SARNP: variants seen among roughly 807,000 people sequenced by gnomAD.
SARNP encodes SAP domain-containing ribonucleoprotein.
SARNP carries 5 observed loss-of-function variants against 38.1 expected under a neutral mutation model. The ratio of observed to expected loss-of-function variants is 0.13; its 90% CI spans 0.07 to 0.28. SARNP has a LOEUF of 0.28. SARNP is among the 10% of genes least tolerant of loss of function. SARNP has a pLI of 1.00. For synonymous variants in SARNP, 84 were observed against 80.6 expected, an observed-to-expected ratio of 1.04 and a Z score of -0.23; for missense variants, 180 against 243.9, an observed-to-expected ratio of 0.74 and a Z score of 1.75.
chr12:55,765,573 G>A (rs531731511), intron 9 of SARNP, among the ~76,000 whole-genome samples: 37 of 151,454 alleles, frequency 2.4e-4, no homozygotes, highest in African/African-American at 7.0e-4. Context: ...TCAAACTCCC[G>A]GACTCAAGCA....
At chr12:55,816,743 A>G (rs930191583) in intron 1 of SARNP, among the ~76,000 whole-genome samples, 1 of 152,240 alleles carries the variant, frequency 6.6e-6, no homozygotes, top group African/African-American at 2.4e-5. Flanking sequence ...ACCCTAAAAG[A>G]AAATACTTTT....
At position 55,775,259 on chromosome 12, in the gene SARNP, A is replaced by AG. The variant is rs56844897; in HGVS notation, c.501+13815dup. On this transcript the variant is annotated intron_variant, in intron 9 of 10. Transcript: ENST00000336133. ...TTAAAATTAAAAAAAAAAAAAAAAA[A>AG]GAACATGAAAAAAAGATGGACAAGC... 8.7e-5 allele frequency among the ~76,000 whole-genome samples: 13 copies of AG among 149,314 alleles called. 1 individual carries two copies. Among genetic ancestry groups the AG allele is most frequent in the Non-Finnish European group, 1.5e-4 (10 of 67,306 alleles).
downstream of SARNP, chr12:55,756,228 C>G (rs1878502135): frequency 6.6e-6 from 1 of 152,134 alleles, no homozygotes; most frequent in Non-Finnish European, 1.5e-5. Context: ...GAAGAGGTGT[C>G]AAAAATTTAA....
chr12:55,782,877 G>C (rs998382975), intron 9 of SARNP, among the ~76,000 whole-genome samples: 14 of 152,218 alleles, frequency 9.2e-5, no homozygotes, highest in African/African-American at 3.4e-4. Context: ...TTGGGAGGCT[G>C]AGGCTGGCGG....
intron 9 of SARNP, among the ~76,000 whole-genome samples, chr12:55,786,307 A>G (rs1169239886): frequency 2.6e-5 from 4 of 152,154 alleles, no homozygotes; most frequent in Non-Finnish European, 4.4e-5. Context: ...TAGAAGATGG[A>G]GTGAATTTTT....
intron 9 of SARNP, among the ~76,000 whole-genome samples, chr12:55,772,748 CT>C (rs1214823161): frequency 1.5e-5 from 2 of 135,260 alleles, no homozygotes; most frequent in East Asian, 4.3e-4. Context: ...GAGTTTTGCT[CT>C]TTCTGCCCAG....
chr12:55,777,717 CTT>C (rs767193789), intron 9 of SARNP, among the ~76,000 whole-genome samples: 1 of 152,114 alleles, frequency 6.6e-6, no homozygotes, highest in African/African-American at 2.4e-5. Flanking sequence ...TCTAACGTCT[CTT>C]GTCCAATTTT....
In SARNP at chr12:55,794,846, G is replaced by A. The variant is rs1367411502; in HGVS notation, c.338C>T (p.Pro113Leu). ...AGCTTTCTTACTCTCCAAGCTCACA[G>A]GTACATTGAATCGTTCAGCCCTCTT... ...MQKRAERFNV[P>L]VSLESKKAAR... The change falls in exon 6 of 11, where the codon CCT (proline) becomes CTT (leucine). Residue 113 changes from proline (P) to leucine (L), a missense_variant. Physicochemically the swap from Pro to Leu is moderately conservative, Grantham distance 98. Transcript: ENST00000336133. 1.2e-6 allele frequency: 2 copies of A among 1,605,810 alleles called. No homozygotes were observed. The highest frequency in any genetic ancestry group is 1.7e-6 in the Non-Finnish European group (2 of 1,175,344).
At chr12:55,765,432 A>C (rs760237081) in intron 9 of SARNP, among the ~76,000 whole-genome samples, 2 of 151,984 alleles carry the variant, frequency 1.3e-5, no homozygotes, top group Non-Finnish European at 2.9e-5. Flanking sequence ...GTAATGTTGA[A>C]TCCCTGGGCT....
At chr12:55,810,610 G>C (rs1221657948) in intron 1 of SARNP, among the ~76,000 whole-genome samples, 2 of 151,880 alleles carry the variant, frequency 1.3e-5, no homozygotes, top group East Asian at 3.9e-4. Flanking sequence ...GCACCACCAT[G>C]CCCAGCTAAT....
At chr12:55,760,394 T>G (rs1017587037) in intron 10 of SARNP, 157 bp downstream of exon 10, 5 of 581,554 alleles carry the variant, frequency 8.6e-6, no homozygotes, top group African/African-American at 7.4e-5. Flanking sequence ...CTACTCAGTT[T>G]ATTCACTCTC....
chr12:55,805,810 T>C (rs148903568), intron 1 of SARNP, among the ~76,000 whole-genome samples: 11 of 152,060 alleles, frequency 7.2e-5, no homozygotes, highest in African/African-American at 2.7e-4. Context: ...AATCGTGCCA[T>C]TGCACTCCAG....
intron 7 of SARNP, chr12:55,793,518 A>G (rs1448763226): frequency 6.6e-6 from 1 of 152,080 alleles, no homozygotes; most frequent in African/African-American, 2.4e-5. Context: ...AGCAGATATA[A>G]GCTGCTCCTC....
chr12:55,784,710 T>C (rs1412639577), intron 9 of SARNP, among the ~76,000 whole-genome samples: 4 of 152,220 alleles, frequency 2.6e-5, no homozygotes, highest in African/African-American at 9.6e-5. Context: ...TCCGATATGG[T>C]AGCCACTAGC....
rs750916104 is a variant in SARNP at position 55,760,542 on chromosome 12, T to A, written c.591+9A>T. ...CAAGGTCTATGAAGCGTTCCAGGTA[T>A]ATTTTTACCTCTGTATCCTCTGTGG... On this transcript the variant is annotated intron_variant, in intron 10 of 10. Transcript: ENST00000336133. 2 of 1,544,620 alleles carry A rather than the reference T, an allele frequency of 1.3e-6. No individual in the cohort carries two copies. Among genetic ancestry groups the A allele is most frequent in the Admixed American group, 3.3e-5 (2 of 59,948 alleles).
rs748681992 is a variant in SARNP, at chr12:55,803,697, C to T, written c.68G>A (p.Arg23His). The change falls in exon 2 of 11, where the codon CGT (arginine) becomes CAT (histidine). Residue 23 changes from arginine to histidine, a missense_variant. Arg to His is a conservative substitution (Grantham distance 29). Transcript: ENST00000336133. Reference protein sequence around the residue: ...LAELKQECLARGLETKGIKQD... With the variant: ...LAELKQECLAHGLETKGIKQD... ...CTTTATTCCCTTGGTCTCCAAACCA[C>T]GAGCAAGACATTCTTGCTTTAGTTC... 25 of 1,612,854 alleles carry T rather than the reference C, an allele frequency of 1.6e-5. No homozygotes were observed. The highest frequency in any genetic ancestry group is 2.0e-5 in the Non-Finnish European group (23 of 1,179,324).
chr12:55,782,953 A>C (rs1399355031), intron 9 of SARNP, among the ~76,000 whole-genome samples: 2 of 152,026 alleles, frequency 1.3e-5, no homozygotes, highest in Non-Finnish European at 2.9e-5. Flanking sequence ...TCTACAAAAA[A>C]TACTAAAATT....
rs747621757 is a variant in SARNP at position 55,800,548 on chromosome 12, A to T, written c.251+14T>A. 6 of 1,557,072 alleles carry T rather than the reference A, an allele frequency of 3.9e-6. No individual in the cohort carries two copies. The highest frequency in any genetic ancestry group is 3.5e-6 in the Non-Finnish European group (4 of 1,134,188). ...GCCTGCTCTGTACTCAGATTATAAA[A>T]AAGGGATAATTACACATCAACAGTT... is the stretch of plus-strand genomic sequence containing the variant. On this transcript the variant is annotated intron_variant, in intron 4 of 10. Transcript: ENST00000336133.
chr12:55,766,953 G>A (rs1565671380), intron 9 of SARNP, among the ~76,000 whole-genome samples: 1 of 152,028 alleles, frequency 6.6e-6, no homozygotes, highest in East Asian at 1.9e-4. Flanking sequence ...CCCAGCCCCA[G>A]GGTCTATATT....
Sources: gnomAD v4.1 joint callset for allele counts (sites outside exome capture counted in the v4.1 genomes callset) on GRCh38, gnomAD v4.1.1 for gene constraint, MANE v1.5 for transcripts, NCBI Gene and HGNC (gene_info 2026-07-23, HGNC 2026-07-21) for gene names.